The following ZSWIM5 variants were observed in gnomAD, a reference collection of about 807,000 sequenced individuals.
ZSWIM5 encodes zinc finger SWIM domain-containing protein 5.
A neutral mutation model predicts 119.6 loss-of-function variants in ZSWIM5; 55 were observed. The observed-to-expected ratio is 0.46, with a 90% CI of 0.37 to 0.58. ZSWIM5 has a LOEUF of 0.58. ZSWIM5 is among the 20% of genes least tolerant of loss of function. The pLI, the probability that ZSWIM5 is intolerant of heterozygous loss-of-function variation, is 0.00. For missense variants in ZSWIM5, 1,193 were observed against 1,512.8 expected, an observed-to-expected ratio of 0.79 and a Z score of 3.51; for synonymous variants, 537 against 606.9, an observed-to-expected ratio of 0.88 and a Z score of 1.69.
At chr1:45,056,001 T>C (rs1645119374) in intron 4 of ZSWIM5, among the ~76,000 whole-genome samples, 1 of 152,164 alleles carries the variant, frequency 6.6e-6, no homozygotes. Context: ...TGGTCAAGTA[T>C]ACTGAAAACT....
At chr1:45,120,058 T>C (rs1324089324) in intron 1 of ZSWIM5, among the ~76,000 whole-genome samples, 1 of 152,072 alleles carries the variant, frequency 6.6e-6, no homozygotes, top group Non-Finnish European at 1.5e-5. Flanking sequence ...TCAAAACCCA[T>C]ACAAGCCAGG....
At chr1:45,066,736 A>C (rs1430349365) in intron 2 of ZSWIM5, among the ~76,000 whole-genome samples, 2 of 152,214 alleles carry the variant, frequency 1.3e-5, no homozygotes, top group African/African-American at 4.8e-5. Context: ...CAGTAATAGG[A>C]GGCCACTGAA....
At chr1:45,136,187 T>C (rs1242146457) in intron 1 of ZSWIM5, among the ~76,000 whole-genome samples, 1 of 152,124 alleles carries the variant, frequency 6.6e-6, no homozygotes, top group Non-Finnish European at 1.5e-5. Flanking sequence ...TGGTAGGGCT[T>C]TTTATTATTT....
intron 1 of ZSWIM5, among the ~76,000 whole-genome samples, chr1:45,142,928 T>C (rs531315469): frequency 6.7e-6 from 1 of 150,332 alleles, no homozygotes; most frequent in South Asian, 2.1e-4. Flanking sequence ...CCCAGCACTT[T>C]GGGAGGCCGA....
At chr1:45,083,199 C>T (rs1645304805) in intron 2 of ZSWIM5, among the ~76,000 whole-genome samples, 2 of 152,164 alleles carry the variant, frequency 1.3e-5, no homozygotes, top group South Asian at 2.1e-4. Flanking sequence ...TATAAAGCAA[C>T]GTAACATTTT....
chr1:45,163,997 C>G (rs346712), intron 1 of ZSWIM5, among the ~76,000 whole-genome samples: 24,961 of 152,064 alleles, frequency 0.16, 2,150 homozygotes, highest in African/African-American at 0.2. Flanking sequence ...TCCAGAAGAG[C>G]AACTCCAAGA....
At chr1:45,080,332 G>C (rs1034388664) in intron 2 of ZSWIM5, among the ~76,000 whole-genome samples, 1 of 152,166 alleles carries the variant, frequency 6.6e-6, no homozygotes, top group Non-Finnish European at 1.5e-5. Context: ...TTCCTCTTTG[G>C]CTAGGGCTGG....
Position 45,018,517 on chromosome 1 carries a change from G to A in ZSWIM5, c.3495C>T (p.Asn1165=), listed in dbSNP as rs1557737164. The A allele has an allele frequency of 6.2e-7, 1 of 1,614,090 alleles. No homozygotes were observed. Among genetic ancestry groups the A allele is most frequent in the East Asian group, 2.2e-5 (1 of 44,888 alleles). The stretch of plus-strand genomic sequence containing the variant: ...TCTTGCCTTTGTAGATCTGTTTGAG[G>A]TTGTCGATGAACTGGGCAAACTGCA... ...GHLQFAQFID[N]LKQIYKGKKK... The change falls in exon 14 of 14, where the codon AAC becomes AAT. Residue 1165 remains asparagine, a synonymous_variant. Transcript: ENST00000359600. The surrounding 1 kb of genome is among the most constrained non-coding windows in gnomAD (Gnocchi z 6.7).
chr1:45,106,771 A>G lies in ZSWIM5; in HGVS notation c.596-18534T>C, dbSNP rs375568652. Reference sequence around the variant, plus strand: ...TGACTATGGCGGTTTTGTCGAAAAGAAAAGGGGGAAATGTGGGGAAAAGAA... The same window carrying G: ...TGACTATGGCGGTTTTGTCGAAAAGGAAAGGGGGAAATGTGGGGAAAAGAA... On this transcript the variant is annotated intron_variant, in intron 1 of 13. Transcript: ENST00000359600. Among the ~76,000 whole-genome samples, 266 of 152,312 alleles carry G rather than the reference A, an allele frequency of 1.7e-3. 4 individuals carry two copies. Among genetic ancestry groups the G allele is most frequent in the Middle Eastern group, 6.8e-3 (2 of 294 alleles).
chr1:45,170,426 C>CTT (rs56817624), intron 1 of ZSWIM5, among the ~76,000 whole-genome samples: 29 of 139,534 alleles, frequency 2.1e-4, no homozygotes, highest in African/African-American at 4.4e-4. Context: ...TATAAAATCA[C>CTT]TTTTTTTTTT....
intron 11 of ZSWIM5, among the ~76,000 whole-genome samples, chr1:45,023,866 T>A (rs368012528): frequency 6.6e-6 from 1 of 152,228 alleles, no homozygotes; most frequent in Non-Finnish European, 1.5e-5. Flanking sequence ...CACATCCTTG[T>A]CAGCATTTGG....
chr1:45,129,399 C>T (rs187149694), intron 1 of ZSWIM5, among the ~76,000 whole-genome samples: 11 of 152,082 alleles, frequency 7.2e-5, no homozygotes, highest in East Asian at 3.9e-4. Context: ...CCTCGTGATC[C>T]GCCCGCCTCA....
At chr1:45,082,983 C>T (rs1290918784) in intron 2 of ZSWIM5, among the ~76,000 whole-genome samples, 3 of 152,096 alleles carry the variant, frequency 2.0e-5, no homozygotes, top group African/African-American at 7.2e-5. Flanking sequence ...CAAAAGCAGG[C>T]CATAGCCCAG....
At chr1:45,051,321 A>C (rs1645087279) in intron 4 of ZSWIM5, 68 bp from the exon 5 acceptor site, 2 of 1,420,996 alleles carry the variant, frequency 1.4e-6, no homozygotes, top group Non-Finnish European at 1.9e-6. Flanking sequence ...TTAATGTTTC[A>C]GTTTCATTTT....
At chr1:45,153,682 G>C (rs1348873039) in intron 1 of ZSWIM5, among the ~76,000 whole-genome samples, 2 of 152,066 alleles carry the variant, frequency 1.3e-5, no homozygotes, top group African/African-American at 4.8e-5. Flanking sequence ...ATCAACAGTG[G>C]ACTGGATAAA....
chr1:45,178,079 G>C (rs773527027), intron 1 of ZSWIM5, among the ~76,000 whole-genome samples: 1 of 151,926 alleles, frequency 6.6e-6, no homozygotes, highest in African/African-American at 2.4e-5. Flanking sequence ...CAGGTCCTAG[G>C]GGGTTGTGAA....
chr1:45,150,417 G>A (rs1645789713), intron 1 of ZSWIM5, among the ~76,000 whole-genome samples: 1 of 152,078 alleles, frequency 6.6e-6, no homozygotes, highest in Non-Finnish European at 1.5e-5. Flanking sequence ...TGCAGGTGCT[G>A]TGGAAAACAG....
chr1:45,086,881 A>ATTT (rs377217727), intron 2 of ZSWIM5, among the ~76,000 whole-genome samples: 10 of 131,942 alleles, frequency 7.6e-5, no homozygotes, highest in East Asian at 2.1e-4. Flanking sequence ...TTCTTCTTAA[A>ATTT]TTTTTTTTTT....
intron 1 of ZSWIM5, among the ~76,000 whole-genome samples, chr1:45,198,644 T>C (rs1646140202): frequency 6.6e-6 from 1 of 152,216 alleles, no homozygotes; most frequent in Non-Finnish European, 1.5e-5. Flanking sequence ...TGAGAAATCA[T>C]TAGGCATCCA....
Sources: allele counts gnomAD v4.1 joint callset (sites outside exome capture counted in the v4.1 genomes callset), GRCh38; gene constraint gnomAD v4.1.1; non-coding constraint Gnocchi (gnomAD v3.1); transcripts MANE v1.5; gene names NCBI Gene and HGNC (gene_info 2026-07-23, HGNC 2026-07-21).